Variants in PPP1R15B observed in about 807,000 individuals in gnomAD.
The protein encoded by PPP1R15B is protein phosphatase 1 regulatory subunit 15B.
PPP1R15B carries 31 observed loss-of-function variants against 53.9 expected under a neutral mutation model. The ratio of observed to expected loss-of-function variants is 0.58; its 90% confidence interval spans 0.43 to 0.78. The LOEUF (loss-of-function observed/expected upper bound fraction) is 0.78. PPP1R15B is among the 30% of genes least tolerant of loss of function. The pLI is 0.00. For synonymous variants in PPP1R15B, 345 were observed against 329.1 expected (o/e 1.05, Z -0.52); for missense variants, 928 against 849.6 (o/e 1.09, Z -1.15).
At chr1:204,402,890 G>C (rs1308219288), downstream of PPP1R15B, among the ~76,000 whole-genome samples, 2 of 152,012 alleles carry the variant, frequency 1.3e-5, no homozygotes, top group African/African-American at 4.8e-5. Flanking sequence ...TGGCCAACAT[G>C]ATGAAACCCC....
At position 204,409,717 on chromosome 1, in the gene PPP1R15B, G is replaced by A; in HGVS notation, c.1695C>T (p.Pro565=). Residue 565 remains proline, a synonymous_variant, in exon 1 of 2, where the codon CCC becomes CCT. Coordinates refer to ENST00000367188, the MANE Select transcript of PPP1R15B (RefSeq NM_032833.5). The stretch of plus-strand genomic sequence containing the variant: ...GAGCCTTAAAATTTAAAGGGTTGTA[G>A]GGGTCATCAGAATTACAGAATGAGT... ...LWNSFCNSDD[P]YNPLNFKAPF... is the part of the protein sequence containing the mutation. 2 of 1,614,090 alleles carry A rather than the reference G, an allele frequency of 1.2e-6. No individual in the cohort carries two copies. Among genetic ancestry groups the A allele is most frequent in the Non-Finnish European group, 8.5e-7 (1 of 1,180,026 alleles).
downstream of PPP1R15B, among the ~76,000 whole-genome samples, chr1:204,401,079 G>A (rs1674172004): frequency 2.0e-5 from 3 of 152,210 alleles, no homozygotes; most frequent in Admixed American, 2.0e-4. Flanking sequence ...AAACACTGAT[G>A]TAACTCAAAT....
Position 204,410,800 on chromosome 1 carries a change from G to A in PPP1R15B, c.612C>T (p.Pro204=), listed in dbSNP as rs1674357218. The A allele has an allele frequency of 6.2e-7, 1 of 1,614,244 alleles. No homozygotes were observed. The highest frequency in any genetic ancestry group is 8.5e-7 in the Non-Finnish European group (1 of 1,180,046). The change falls in exon 1 of 2, where the codon CCC becomes CCT. Residue 204 remains proline, a synonymous_variant. Transcript: ENST00000367188. ...TGCGTTGAATGTTTAGAGGCCCAGAGGGCGAAGAGCCAAGTTCCCGGTTAG... is the reference window on the plus strand; with the variant it reads ...TGCGTTGAATGTTTAGAGGCCCAGAAGGCGAAGAGCCAAGTTCCCGGTTAG... ...LYSNRELGSS[P]SGPLNIQRID...
rs750361357 is a variant in PPP1R15B, at chr1:204,410,058, C to T, written c.1354G>A (p.Ala452Thr). 1.9e-6 allele frequency: 3 copies of T among 1,614,212 alleles called. No individual in the cohort carries two copies. Among genetic ancestry groups the T allele is most frequent in the Non-Finnish European group, 2.5e-6 (3 of 1,180,036 alleles). ...TCACTATCAAAACCATCATCCTCAG[C>T]TTCCTCATCCCAATCCTCACCTTCT... ...DPEGEDWDEE[A>T]EDDGFDSDSS... The change falls in exon 1 of 2, where the codon GCT becomes ACT. Residue 452 changes from alanine to threonine, a missense_variant. By Grantham distance (58) the Ala-to-Thr change is moderately conservative (BLOSUM62 0). Coordinates refer to ENST00000367188, the MANE Select transcript of PPP1R15B (RefSeq NM_032833.5).
At chr1:204,400,671 A>T (rs1329918092), downstream of PPP1R15B, 2 of 758,454 alleles carry the variant, frequency 2.6e-6, no homozygotes, top group African/African-American at 3.7e-5. Flanking sequence ...TTAGTGGGAA[A>T]ATGTGCAGTG....
Position 204,404,299 on chromosome 1 carries a change from T to G in PPP1R15B, c.*1793A>C. The G allele has an allele frequency of 1.3e-6, 1 of 784,610 alleles. No individual in the cohort carries two copies. Among genetic ancestry groups the G allele is most frequent in the Non-Finnish European group, 1.5e-6 (1 of 647,210 alleles). The allele number at this position is 784,610 out of a possible 1,614,324, so 48.6% of individuals were successfully genotyped here. A position where few individuals can be genotyped will look rare whatever the true frequency, so the allele number is the denominator to read the frequency against. On this transcript the variant is annotated 3_prime_UTR_variant, in exon 2 of 2. Transcript: ENST00000367188. ...CAGTTCAAGACCAGTCTGGCCAACA[T>G]AGCGAAACCCCGTCTCTACTAAAAA... is the stretch of plus-strand genomic sequence containing the variant.
Position 204,409,752 on chromosome 1 carries a change from T to C in PPP1R15B, c.1660A>G (p.Lys554Glu). 1 of 1,614,158 alleles carries C rather than the reference T, an allele frequency of 6.2e-7. No homozygotes were observed. The highest frequency in any genetic ancestry group is 1.1e-5 in the South Asian group (1 of 91,090). The part of the protein sequence containing the change: ...ESSADEAESL[K>E]LWNSFCNSDD... ...GAATTACAGAATGAGTTCCACAGTT[T>C]GAGACTCTCTGCTTCATCTGCACTA... is the stretch of plus-strand genomic sequence containing the variant. Residue 554 changes from lysine (K) to glutamate (E), a missense_variant, in exon 1 of 2, where the codon AAA (lysine) becomes GAA (glutamate). Lys to Glu is a moderately conservative substitution (Grantham distance 56). Transcript: ENST00000367188.
rs771054301 is a variant in PPP1R15B, at chr1:204,411,274, C to A, written c.138G>T (p.Gly46=). The A allele has an allele frequency of 2.5e-6, 4 of 1,614,216 alleles. No homozygotes were observed. In the East Asian group the frequency reaches 8.9e-5, roughly 36 times the overall value. ...GGGCAGAGGAAAGCAGTGTGGGGTT[C>A]CCGGAGTTTTCCGGGCCAAGAGGCG... ...FPTPLGPENS[G]NPTLLSSAQP... is the part of the protein sequence containing the mutation. The change falls in exon 1 of 2, where the codon GGG becomes GGT. Residue 46 remains glycine, a synonymous_variant. Coordinates refer to ENST00000367188, the MANE Select transcript of PPP1R15B (RefSeq NM_032833.5).
chr1:204,405,375 T>C lies in PPP1R15B; in HGVS notation c.*717A>G, dbSNP rs1345181556. ...CTTCAAAGAAATTAAATATATTAGA[T>C]GTTAAAATGTGGTAGAAAGATGCAG... On this transcript the variant is annotated 3_prime_UTR_variant, in exon 2 of 2. Coordinates refer to ENST00000367188, the MANE Select transcript of PPP1R15B (RefSeq NM_032833.5). 1.0e-6 allele frequency: 1 copy of C among 984,774 alleles called. No individual in the cohort carries two copies. Among genetic ancestry groups the C allele is most frequent in the Non-Finnish European group, 1.2e-6 (1 of 829,480 alleles). The allele number at this position is 984,774 out of a possible 1,614,324, so 61.0% of individuals were successfully genotyped here.
rs201738268 is a variant in PPP1R15B at position 204,407,655 on chromosome 1, A to C, written c.1921-1342T>G. Reference sequence around the variant, plus strand: ...ACTCATTCATTGTGTCATTAAGATAAATAATAAAAACGTACAGTGTTTACC... The same window carrying C: ...ACTCATTCATTGTGTCATTAAGATACATAATAAAAACGTACAGTGTTTACC... On this transcript the variant is annotated intron_variant, in intron 1 of 1. Coordinates refer to ENST00000367188, the MANE Select transcript of PPP1R15B (RefSeq NM_032833.5). Among the ~76,000 whole-genome samples, 62 of 152,306 alleles carry C rather than the reference A, an allele frequency of 4.1e-4. 3 individuals are homozygous for C. The East Asian group carries it at 9.4e-3, about 23-fold the overall frequency.
rs1163251856 is a variant in PPP1R15B at position 204,411,602 on chromosome 1, G to A, written c.-191C>T. The A allele has an allele frequency of 1.4e-6, 1 of 707,354 alleles. No homozygotes were observed. The highest frequency in any genetic ancestry group is 2.3e-6 in the Non-Finnish European group (1 of 432,466). 43.8% of individuals were successfully genotyped at this position (707,354 alleles called of 1,614,324 possible). ...GCAGCGGGCGGCAGAACACAGGGAA[G>A]AACAGCCCGCGCAATAGGCGGCGAC... On this transcript the variant is annotated 5_prime_UTR_variant, in exon 1 of 2. Transcript: ENST00000367188.
chr1:204,410,712 G>A lies in PPP1R15B; in HGVS notation c.700C>T (p.Leu234=), dbSNP rs1294909819. 1.4e-5 allele frequency: 22 copies of A among 1,614,148 alleles called. No homozygotes were observed. The highest frequency in any genetic ancestry group is 9.9e-5 in the South Asian group (9 of 91,086). ...NPSYLDCFPR[L]EVSYQNSDGN... ...TCACTGTTCTGATAGCTGACTTCTAGCCTAGGAAAGCAGTCCAGGTAGGAA... is the reference window on the plus strand; with the variant it reads ...TCACTGTTCTGATAGCTGACTTCTAACCTAGGAAAGCAGTCCAGGTAGGAA... Residue 234 remains leucine, a synonymous_variant, in exon 1 of 2, where the codon CTA becomes TTA. Transcript: ENST00000367188.
chr1:204,410,787 T>C lies in PPP1R15B; in HGVS notation c.625A>G (p.Asn209Asp), dbSNP rs372173177. ...ELGSSPSGPL[N>D]IQRIDNFSVV... Reference sequence around the variant, plus strand: ...CTGAAATTGTCTATGCGTTGAATGTTTAGAGGCCCAGAGGGCGAAGAGCCA... The same window carrying C: ...CTGAAATTGTCTATGCGTTGAATGTCTAGAGGCCCAGAGGGCGAAGAGCCA... The change falls in exon 1 of 2, where the codon AAC (asparagine) becomes GAC (aspartate). Residue 209 changes from asparagine to aspartate, a missense_variant. Coordinates refer to ENST00000367188, the MANE Select transcript of PPP1R15B (RefSeq NM_032833.5). The C allele has an allele frequency of 1.7e-5, 28 of 1,614,058 alleles. No homozygotes were observed. Among genetic ancestry groups the C allele is most frequent in the Non-Finnish European group, 2.4e-5 (28 of 1,180,038 alleles).
chr1:204,404,257 G>A lies in PPP1R15B; in HGVS notation c.*1835C>T, dbSNP rs1674225838. 1.1e-5 allele frequency: 11 copies of A among 976,928 alleles called. No individual in the cohort carries two copies. Among genetic ancestry groups the A allele is most frequent in the Non-Finnish European group, 1.3e-5 (11 of 822,264 alleles). 60.5% of individuals were successfully genotyped at this position (976,928 alleles called of 1,614,324 possible). ...CCAGCACTTTGAGAGGCCGAGGCGG[G>A]CGGATCACGAGGTCAGCAGTTCAAG... On this transcript the variant is annotated 3_prime_UTR_variant, in exon 2 of 2. Transcript: ENST00000367188.
At position 204,411,126 on chromosome 1, in the gene PPP1R15B, A is replaced by G; in HGVS notation, c.286T>C (p.Trp96Arg). Reference protein sequence around the residue: ...QLFGGMFPTRWLDFAGVYSAL... With the variant: ...QLFGGMFPTRRLDFAGVYSAL... ...CTGTAGACTCCAGCAAAATCTAGCC[A>G]TCTGGTCGGAAACATTCCACCGAAA... Residue 96 changes from tryptophan to arginine, a missense_variant, in exon 1 of 2, where the codon TGG becomes CGG. By Grantham distance (101) the Trp-to-Arg change is moderately radical. Coordinates refer to ENST00000367188, the MANE Select transcript of PPP1R15B (RefSeq NM_032833.5). 1.2e-6 allele frequency: 2 copies of G among 1,614,228 alleles called. No homozygotes were observed. Among genetic ancestry groups the G allele is most frequent in the Non-Finnish European group, 1.7e-6 (2 of 1,180,044 alleles).
Position 204,405,073 on chromosome 1 carries a change from A to G in PPP1R15B, c.*1019T>C, listed in dbSNP as rs1027157654. On this transcript the variant is annotated 3_prime_UTR_variant, in exon 2 of 2. Coordinates refer to ENST00000367188, the MANE Select transcript of PPP1R15B (RefSeq NM_032833.5). ...GAAAATTCAGAACTGCCCATTTCCA[A>G]TTTTACAGTGGGATCCTGACAGGTT... 16 of 985,634 alleles carry G rather than the reference A, an allele frequency of 1.6e-5. No individual in the cohort carries two copies. Among genetic ancestry groups the G allele is most frequent in the East Asian group, 2.3e-4 (2 of 8,830 alleles). The allele number at this position is 985,634 out of a possible 1,614,324, so 61.1% of individuals were successfully genotyped here. A position where few individuals can be genotyped will look rare whatever the true frequency, so the allele number is the denominator to read the frequency against.
At chr1:204,403,338 A>G, downstream of PPP1R15B, 1 of 569,056 alleles carries the variant, frequency 1.8e-6, no homozygotes, top group Non-Finnish European at 2.2e-6. Flanking sequence ...ACCATTGTAA[A>G]ATACTATGAT....
Position 204,406,134 on chromosome 1 carries a change from C to A in PPP1R15B, c.2100G>T (p.Gln700His). The change falls in exon 2 of 2, where the codon CAG becomes CAT. Residue 700 changes from glutamine (Q) to histidine (H), a missense_variant. Coordinates refer to ENST00000367188, the MANE Select transcript of PPP1R15B (RefSeq NM_032833.5). ...CATTAAGTCCTTTGAAGCATGTTCC[C>A]TGGAGTCTATTAAACATTCTTTCTC... ...EHRERMFNRLQGTCFKGLNVL... is the reference protein window; with the variant it reads ...EHRERMFNRLHGTCFKGLNVL... 1 of 1,614,116 alleles carries A rather than the reference C, an allele frequency of 6.2e-7. No homozygotes were observed. The highest frequency in any genetic ancestry group is 1.3e-5 in the African/African-American group (1 of 75,026).
At position 204,410,459 on chromosome 1, in the gene PPP1R15B, T is replaced by C. The variant is rs755430265; in HGVS notation, c.953A>G (p.Gln318Arg). The change falls in exon 1 of 2, where the codon CAG becomes CGG. Residue 318 changes from glutamine to arginine, a missense_variant. By Grantham distance (43) the Gln-to-Arg change is conservative (BLOSUM62 1). Transcript: ENST00000367188. ...CTCCAGGCTGTGGTAGCCATTATCCTGGTCAGGGGTGGGTAAATCTTGCCC... is the reference window on the plus strand; with the variant it reads ...CTCCAGGCTGTGGTAGCCATTATCCCGGTCAGGGGTGGGTAAATCTTGCCC... ...SKGQDLPTPD[Q>R]DNGYHSLEEE... 3 of 1,614,206 alleles carry C rather than the reference T, an allele frequency of 1.9e-6. No homozygotes were observed. Among genetic ancestry groups the C allele is most frequent in the African/African-American group, 1.3e-5 (1 of 75,048 alleles).
Sources: allele counts gnomAD v4.1 joint callset (sites outside exome capture counted in the v4.1 genomes callset), GRCh38; gene constraint gnomAD v4.1.1; transcripts MANE v1.5; gene names NCBI Gene and HGNC (gene_info 2026-07-23, HGNC 2026-07-21).